KCNT2: variants seen among roughly 807,000 people sequenced by gnomAD.
KCNT2 encodes potassium sodium-activated channel subfamily T member 2, also known as potassium channel subfamily T member 2.
In KCNT2, 67 loss-of-function variants were observed where a neutral mutation model predicts 153.8. The ratio of observed to expected loss-of-function variants is 0.44; its 90% CI spans 0.36 to 0.53. KCNT2 has a LOEUF of 0.53. KCNT2 is among the 20% of genes least tolerant of loss of function. The pLI is 0.00. For missense variants in KCNT2, 975 were observed against 1,354.8 expected (o/e 0.72, Z 4.40); for synonymous variants, 500 against 458.8 (o/e 1.09, Z -1.15).
chr1:196,249,367 TC>T (rs1553262985), intron 26 of KCNT2, among the ~76,000 whole-genome samples: 1 of 152,176 alleles, frequency 6.6e-6, no homozygotes, highest in Non-Finnish European at 1.5e-5. Flanking sequence ...AATCAAATTA[TC>T]CTTGTTTGCA....
chr1:196,558,312 A>G (rs1572825475), intron 1 of KCNT2, among the ~76,000 whole-genome samples: 1 of 151,474 alleles, frequency 6.6e-6, no homozygotes, highest in East Asian at 1.9e-4. Context: ...AAAAATCTAC[A>G]TCATTAATAA....
At chr1:196,474,313 T>C (rs1572574999) in intron 5 of KCNT2, among the ~76,000 whole-genome samples, 1 of 152,194 alleles carries the variant, frequency 6.6e-6, no homozygotes, top group African/African-American at 2.4e-5. Context: ...ATACTTTTTG[T>C]TCTTAAATGT....
At chr1:196,508,819 C>T (rs1269857229) in intron 1 of KCNT2, among the ~76,000 whole-genome samples, 1 of 152,102 alleles carries the variant, frequency 6.6e-6, no homozygotes, top group African/African-American at 2.4e-5. Flanking sequence ...CAAAGATTTC[C>T]TTATTATCAG....
chr1:196,455,208 C>T (rs768885521), intron 8 of KCNT2, among the ~76,000 whole-genome samples: 1 of 151,976 alleles, frequency 6.6e-6, no homozygotes, highest in Non-Finnish European at 1.5e-5. Context: ...ACTAGGTCAC[C>T]TGGATAACCC....
At chr1:196,556,625 G>C (rs570685654) in intron 1 of KCNT2, among the ~76,000 whole-genome samples, 1 of 151,398 alleles carries the variant, frequency 6.6e-6, no homozygotes, top group African/African-American at 2.4e-5. Context: ...CAATCCCACT[G>C]CTGGGTATAT....
chr1:196,403,802 C>G (rs1264245983), intron 12 of KCNT2, among the ~76,000 whole-genome samples: 1 of 151,458 alleles, frequency 6.6e-6, no homozygotes. Flanking sequence ...AGTCACAAAC[C>G]TTGGGCTCTA....
At chr1:196,602,223 A>C (rs1396921462) in intron 1 of KCNT2, among the ~76,000 whole-genome samples, 2 of 152,230 alleles carry the variant, frequency 1.3e-5, no homozygotes, top group African/African-American at 2.4e-5. Context: ...AAGTGAACTT[A>C]ATTTCAAATT....
At chr1:196,297,421 C>A (rs1034124527) in intron 22 of KCNT2, among the ~76,000 whole-genome samples, 1 of 152,062 alleles carries the variant, frequency 6.6e-6, no homozygotes, top group Admixed American at 6.6e-5. Context: ...CCATGGGGAG[C>A]TAATTACACT....
chr1:196,484,880 A>C (rs1679299947), intron 3 of KCNT2, among the ~76,000 whole-genome samples: 1 of 152,098 alleles, frequency 6.6e-6, no homozygotes, highest in African/African-American at 2.4e-5. Context: ...ATTGTCAAAA[A>C]CAGTACGGCG....
intron 25 of KCNT2, among the ~76,000 whole-genome samples, chr1:196,279,817 A>G (rs1478375604): frequency 2.0e-5 from 3 of 152,088 alleles, no homozygotes; most frequent in Non-Finnish European, 2.9e-5. Flanking sequence ...GGTAACTTAT[A>G]TAAGTGTCAA....
intron 8 of KCNT2, among the ~76,000 whole-genome samples, chr1:196,457,634 A>G (rs926892823): frequency 6.6e-6 from 1 of 151,996 alleles, no homozygotes; most frequent in African/African-American, 2.4e-5. Context: ...AAATGTATTA[A>G]GAACAACCTA....
At chr1:196,295,767 G>A (rs1037492886) in intron 22 of KCNT2, among the ~76,000 whole-genome samples, 15 of 151,862 alleles carry the variant, frequency 9.9e-5, no homozygotes, top group Admixed American at 2.6e-4. Flanking sequence ...TATTTTTATT[G>A]AGCATAAAAA....
intron 18 of KCNT2, among the ~76,000 whole-genome samples, chr1:196,328,554 A>C (rs1298713520): frequency 6.6e-6 from 1 of 151,968 alleles, no homozygotes; most frequent in Non-Finnish European, 1.5e-5. Flanking sequence ...ACAAGAAAAA[A>C]CAATTGGAAT....
intron 1 of KCNT2, among the ~76,000 whole-genome samples, chr1:196,532,209 G>T (rs1292138075): frequency 6.6e-6 from 1 of 151,914 alleles, no homozygotes; most frequent in African/African-American, 2.4e-5. Context: ...CATCAGTTTG[G>T]CATAACAGTA....
chr1:196,354,609 C>A (rs1667022401), intron 14 of KCNT2, among the ~76,000 whole-genome samples: 1 of 151,434 alleles, frequency 6.6e-6, no homozygotes, highest in African/African-American at 2.4e-5. Context: ...CCAGTTTGTA[C>A]TTAAATAAGA....
intron 1 of KCNT2, among the ~76,000 whole-genome samples, chr1:196,588,897 A>G (rs1467829586): frequency 6.6e-6 from 1 of 151,886 alleles, no homozygotes; most frequent in African/African-American, 2.4e-5. Context: ...AATTTCATTT[A>G]TTTTAGTAAA....
chr1:196,313,287 A>C (rs1409194159), intron 21 of KCNT2, among the ~76,000 whole-genome samples: 1 of 151,650 alleles, frequency 6.6e-6, no homozygotes, highest in Non-Finnish European at 1.5e-5. Context: ...CAGAGTGTTG[A>C]ATGCTAGAAA....
At chr1:196,583,624 C>G (rs536673375) in intron 1 of KCNT2, among the ~76,000 whole-genome samples, 3 of 151,428 alleles carry the variant, frequency 2.0e-5, no homozygotes, top group Non-Finnish European at 2.9e-5. Flanking sequence ...TAAAGGAGAA[C>G]TAGGATAAGA....
At chr1:196,409,704 T>A (rs758001604) in intron 12 of KCNT2, among the ~76,000 whole-genome samples, 1 of 151,702 alleles carries the variant, frequency 6.6e-6, no homozygotes, top group South Asian at 2.1e-4. Flanking sequence ...CATCTGTTAA[T>A]GGACACTGTT....
Sources: allele counts gnomAD v4.1 joint callset (sites outside exome capture counted in the v4.1 genomes callset), GRCh38; gene constraint gnomAD v4.1.1; transcripts MANE v1.5; gene names NCBI Gene and HGNC (gene_info 2026-07-23, HGNC 2026-07-21).